Variants in ATOSA observed in about 807,000 individuals in gnomAD.
ATOSA encodes the protein atos homolog A.
At chr15:52,641,743 T>TA in the ATOSA span, among the ~76,000 whole-genome samples, 2 of 152,224 alleles carry the variant, frequency 1.3e-5, no homozygotes, top group East Asian at 3.8e-4. Context: ...CACCTTGCTA[T>TA]AAGGTTGGTA....
At chr15:52,601,818 A>G in the ATOSA span, among the ~76,000 whole-genome samples, 7 of 152,068 alleles carry the variant, frequency 4.6e-5, no homozygotes, top group East Asian at 1.3e-3. Flanking sequence ...AGAATATTAA[A>G]TATGTGTACC....
chr15:52,631,575 G>A, the ATOSA span, among the ~76,000 whole-genome samples: 1 of 152,062 alleles, frequency 6.6e-6, no homozygotes, highest in Non-Finnish European at 1.5e-5. Flanking sequence ...TATGTGTTAT[G>A]GCAAATTAGT....
At chr15:52,638,999 T>C in the ATOSA span, among the ~76,000 whole-genome samples, 4 of 150,742 alleles carry the variant, frequency 2.7e-5, no homozygotes, top group African/African-American at 9.8e-5. Context: ...AGAAAAAAAA[T>C]TACTGGAGAA....
chr15:52,643,637 C>T, the ATOSA span, among the ~76,000 whole-genome samples: 7,138 of 151,504 alleles, frequency 0.047, 243 homozygotes, highest in Middle Eastern at 0.085. Context: ...GTATTTTAGC[C>T]GGGCGCAGTG....
At chr15:52,661,931 C>CAAAAAAAAAAAAAAAAAAAAAA in the ATOSA span, among the ~76,000 whole-genome samples, 1 of 73,258 alleles carries the variant, frequency 1.4e-5, no homozygotes. Flanking sequence ...CAAGCCAGGC[C>CAAAAAAAAAAAAAAAAAAAAAA]AAAAAAAAAA....
At chr15:52,681,131 TG>T in the ATOSA span, among the ~76,000 whole-genome samples, 2 of 152,240 alleles carry the variant, frequency 1.3e-5, no homozygotes, top group Non-Finnish European at 2.9e-5. Context: ...TAACAGCACT[TG>T]GGTAAATGAT....
At chr15:52,651,017 G>C in the ATOSA span, among the ~76,000 whole-genome samples, 11 of 152,178 alleles carry the variant, frequency 7.2e-5, no homozygotes, top group African/African-American at 2.7e-4. Flanking sequence ...AATTTTTCCA[G>C]ATCCTATATA....
At chr15:52,623,364 A>G in the ATOSA span, among the ~76,000 whole-genome samples, 4 of 152,122 alleles carry the variant, frequency 2.6e-5, no homozygotes, top group Admixed American at 2.6e-4. Context: ...AAAGAATGAA[A>G]GTAGCTATAC....
chr15:52,647,414 A>AT, the ATOSA span, among the ~76,000 whole-genome samples: 2 of 152,230 alleles, frequency 1.3e-5, no homozygotes, highest in Non-Finnish European at 2.9e-5. Flanking sequence ...ACAAAAGAGC[A>AT]TTTTGGCTTT....
At chr15:52,587,115 A>G in the ATOSA span, 1 of 1,612,346 alleles carries the variant, frequency 6.2e-7, no homozygotes, top group Non-Finnish European at 8.5e-7. Context: ...TATGTGAGAG[A>G]ATGATTATTG....
At chr15:52,700,987 A>G in the ATOSA span, among the ~76,000 whole-genome samples, 1 of 152,230 alleles carries the variant, frequency 6.6e-6, no homozygotes. Context: ...AGACAGGTTG[A>G]TAAAGTTAAT....
At chr15:52,609,259 T>C in the ATOSA span, 1 of 1,613,634 alleles carries the variant, frequency 6.2e-7, no homozygotes, top group Non-Finnish European at 8.5e-7. Context: ...ATCACTGATG[T>C]CTCCTAACAA....
At chr15:52,670,318 G>A in the ATOSA span, among the ~76,000 whole-genome samples, 168 of 152,288 alleles carry the variant, frequency 1.1e-3, 2 homozygotes, top group African/African-American at 3.6e-3. Flanking sequence ...AGTGCTAGGC[G>A]TATGTTAAGT....
the ATOSA span, chr15:52,605,156 C>T: frequency 6.2e-6 from 10 of 1,608,406 alleles, no homozygotes; most frequent in Non-Finnish European, 8.5e-7. Flanking sequence ...AGAGGCAATC[C>T]AGTTTGAGGA....
the ATOSA span, chr15:52,585,997 T>C: frequency 6.6e-6 from 1 of 152,240 alleles, no homozygotes. Flanking sequence ...TTAAACTGTA[T>C]ACAGAATAGA....
the ATOSA span, among the ~76,000 whole-genome samples, chr15:52,618,398 T>C: frequency 1.3e-5 from 2 of 152,108 alleles, no homozygotes; most frequent in African/African-American, 2.4e-5. Flanking sequence ...ACACTACCAC[T>C]GTACATATCC....
chr15:52,696,525 T>C, the ATOSA span, among the ~76,000 whole-genome samples: 1 of 152,150 alleles, frequency 6.6e-6, no homozygotes, highest in Non-Finnish European at 1.5e-5. Flanking sequence ...GTCTGTGACC[T>C]AGTGAATTCT....
At chr15:52,651,762 C>T in the ATOSA span, 3 of 1,073,380 alleles carry the variant, frequency 2.8e-6, no homozygotes, top group Admixed American at 4.7e-5. Flanking sequence ...TTTCCTAGAC[C>T]TATTTATTAA....
chr15:52,594,961 A>G, the ATOSA span, among the ~76,000 whole-genome samples: 1 of 152,118 alleles, frequency 6.6e-6, no homozygotes, highest in Admixed American at 6.6e-5. Context: ...CATGCCTCTC[A>G]TTTCATCTCT....
Sources: gnomAD v4.1 joint callset for allele counts (sites outside exome capture counted in the v4.1 genomes callset) on GRCh38, gnomAD v4.1.1 for gene constraint, MANE v1.5 for transcripts, NCBI Gene and HGNC (gene_info 2026-07-23, HGNC 2026-07-21) for gene names.